The following MGMT variants were observed in gnomAD, a reference collection of about 807,000 sequenced individuals.
MGMT encodes O-6-methylguanine-DNA methyltransferase, also known as methylated-DNA--protein-cysteine methyltransferase.
In MGMT, 14 loss-of-function variants were observed where a neutral mutation model predicts 15.9. The observed-to-expected ratio is 0.88, with a 90% confidence interval of 0.58 to 1.37. The LOEUF is 1.37. MGMT is among the 40% of genes most tolerant of loss of function. The pLI is 0.00. For synonymous variants in MGMT, 130 were observed against 118.2 expected, an observed-to-expected ratio of 1.10 and a Z score of -0.65; for missense variants, 282 against 268.1, an observed-to-expected ratio of 1.05 and a Z score of -0.36.
At chr10:129,541,795 G>C (rs1197661882) in intron 2 of MGMT, among the ~76,000 whole-genome samples, 1 of 152,210 alleles carries the variant, frequency 6.6e-6, no homozygotes, top group Non-Finnish European at 1.5e-5. Context: ...ACTACACACA[G>C]ACTGTCTTCT....
chr10:129,562,495 A>G (rs1846292637), intron 2 of MGMT, among the ~76,000 whole-genome samples: 1 of 152,234 alleles, frequency 6.6e-6, no homozygotes, highest in Non-Finnish European at 1.5e-5. Flanking sequence ...TGTGATGGGC[A>G]TTTTTGTGAC....
At chr10:129,585,022 A>G (rs1176717591) in intron 2 of MGMT, among the ~76,000 whole-genome samples, 2 of 152,186 alleles carry the variant, frequency 1.3e-5, no homozygotes, top group East Asian at 3.9e-4. Context: ...GTCCGATGGC[A>G]ATTGCATGTT....
At chr10:129,678,801 G>A (rs934243294) in intron 2 of MGMT, among the ~76,000 whole-genome samples, 10 of 152,158 alleles carry the variant, frequency 6.6e-5, no homozygotes, top group African/African-American at 2.2e-4. Flanking sequence ...GCCGGGCATG[G>A]TGGCTCATGC....
intron 2 of MGMT, among the ~76,000 whole-genome samples, chr10:129,602,803 T>C (rs1017389823): frequency 1.3e-5 from 2 of 152,124 alleles, no homozygotes; most frequent in Non-Finnish European, 2.9e-5. Context: ...TGTAGCTTTC[T>C]GGTGTCTACA....
chr10:129,608,788 C>T (rs1290547033), intron 2 of MGMT, among the ~76,000 whole-genome samples: 4 of 152,210 alleles, frequency 2.6e-5, no homozygotes, highest in African/African-American at 9.6e-5. Flanking sequence ...GAACTTTCTG[C>T]CCAGGGGCAG....
chr10:129,697,807 G>A (rs764285523), intron 2 of MGMT, among the ~76,000 whole-genome samples: 1 of 152,196 alleles, frequency 6.6e-6, no homozygotes, highest in Non-Finnish European at 1.5e-5. Flanking sequence ...GAGTGAGGAT[G>A]TGAAATTGCA....
intron 2 of MGMT, among the ~76,000 whole-genome samples, chr10:129,613,531 C>T (rs79446530): frequency 0.026 from 3,921 of 152,292 alleles, 79 homozygotes; most frequent in South Asian, 0.06. Context: ...CCCACCCCTC[C>T]CTGGAGTCTG....
chr10:129,637,212 C>T (rs1847273302), intron 2 of MGMT, among the ~76,000 whole-genome samples: 1 of 152,082 alleles, frequency 6.6e-6, no homozygotes, highest in Non-Finnish European at 1.5e-5. Flanking sequence ...GAACTAGTGC[C>T]CCTTGAATAG....
At chr10:129,477,598 C>T (rs977386189) in intron 1 of MGMT, among the ~76,000 whole-genome samples, 2 of 152,176 alleles carry the variant, frequency 1.3e-5, no homozygotes, top group Non-Finnish European at 2.9e-5. Flanking sequence ...GAGGATCTCT[C>T]CCTCCCATAC....
chr10:129,560,086 CAG>C (rs1243506030), intron 2 of MGMT, among the ~76,000 whole-genome samples: 2 of 152,176 alleles, frequency 1.3e-5, no homozygotes, highest in South Asian at 2.1e-4. Flanking sequence ...GTTAAAAAGG[CAG>C]AGTCTGACAT....
At chr10:129,686,950 C>G (rs540403960) in intron 2 of MGMT, among the ~76,000 whole-genome samples, 14 of 152,130 alleles carry the variant, frequency 9.2e-5, no homozygotes, top group Middle Eastern at 3.4e-3. Flanking sequence ...CATGACTGAC[C>G]ACGAGCCTGT....
intron 2 of MGMT, among the ~76,000 whole-genome samples, chr10:129,574,064 T>C (rs776375229): frequency 3.9e-5 from 6 of 152,202 alleles, no homozygotes; most frequent in Non-Finnish European, 5.9e-5. Flanking sequence ...CTATTAAGTT[T>C]AGGGATTGAT....
intron 3 of MGMT, among the ~76,000 whole-genome samples, chr10:129,756,866 T>C (rs1376936923): frequency 6.6e-6 from 1 of 152,224 alleles, no homozygotes; most frequent in East Asian, 1.9e-4. Context: ...CAAGAACTTC[T>C]ATTTTCCACA....
intron 3 of MGMT, among the ~76,000 whole-genome samples, chr10:129,708,660 T>G (rs1441060795): frequency 2.0e-5 from 3 of 152,240 alleles, no homozygotes; most frequent in Admixed American, 2.0e-4. Context: ...AATACAGAAA[T>G]TAATTACAGC....
chr10:129,582,031 G>A lies in MGMT; in HGVS notation c.125+45654G>A, dbSNP rs74160233. The stretch of plus-strand genomic sequence containing the variant: ...CGAGCCACGTGGGCCAGCCTCTGTG[G>A]GCGGACTGTCCCAGGTGGGTGGTGG... On this transcript the variant is annotated intron_variant, in intron 2 of 4. Coordinates refer to ENST00000651593, the MANE Select transcript of MGMT (RefSeq NM_002412.5). Among the ~76,000 whole-genome samples the A allele has an allele frequency of 7.2e-3, 1,091 of 152,320 alleles. 19 individuals carry two copies. Among genetic ancestry groups the A allele is most frequent in the African/African-American group, 0.025 (1,055 of 41,576 alleles).
chr10:129,540,833 A>G (rs1846035030), intron 2 of MGMT, among the ~76,000 whole-genome samples: 1 of 152,034 alleles, frequency 6.6e-6, no homozygotes, highest in Non-Finnish European at 1.5e-5. Context: ...CCTTTTGTGA[A>G]GCTTCCTGGT....
At chr10:129,708,394 G>A (rs1227863414) in intron 3 of MGMT, among the ~76,000 whole-genome samples, 1 of 152,190 alleles carries the variant, frequency 6.6e-6, no homozygotes, top group African/African-American at 2.4e-5. Flanking sequence ...CTTGCCAACA[G>A]CACAGAAAAC....
At position 129,745,281 on chromosome 10, in the gene MGMT, G is replaced by C. The variant is rs542486727; in HGVS notation, c.275-13921G>C. On this transcript the variant is annotated intron_variant, in intron 3 of 4. Transcript: ENST00000651593. ...ATGTAGTGAAATTGGCTTTTTGTGG[G>C]GTATACAGTCCCGTGAATGTTAACG... is the stretch of plus-strand genomic sequence containing the variant. Among the ~76,000 whole-genome samples, 35 of 151,926 alleles carry C rather than the reference G, an allele frequency of 2.3e-4. No homozygotes were observed. In the East Asian group the frequency reaches 6.8e-3, roughly 29 times the overall value.
intron 2 of MGMT, among the ~76,000 whole-genome samples, chr10:129,683,455 A>G (rs1414710096): frequency 6.6e-6 from 1 of 152,234 alleles, no homozygotes; most frequent in African/African-American, 2.4e-5. Context: ...ATAGCCAAAG[A>G]GAAAATGCCC....
Sources: allele counts gnomAD v4.1 joint callset (sites outside exome capture counted in the v4.1 genomes callset), GRCh38; gene constraint gnomAD v4.1.1; transcripts MANE v1.5; gene names NCBI Gene and HGNC (gene_info 2026-07-23, HGNC 2026-07-21).